The following CWC27 variants were observed in gnomAD, a reference collection of about 807,000 sequenced individuals.
CWC27 encodes the protein spliceosome-associated protein CWC27 homolog.
Under a neutral mutation model 63.6 loss-of-function variants are expected in CWC27, and 47 were observed. The observed-to-expected ratio is 0.74, with a 90% CI of 0.58 to 0.94. The LOEUF (loss-of-function observed/expected upper bound fraction) is 0.94, where lower values mean the gene tolerates loss of function less well. Among genes scored for constraint, CWC27 ranks in the 40% least tolerant of loss-of-function variants. The pLI is 0.00. For synonymous variants in CWC27, 175 were observed against 179.8 expected (o/e 0.97, Z 0.22); for missense variants, 495 against 554.3 (o/e 0.89, Z 1.07).
intron 7 of CWC27, among the ~76,000 whole-genome samples, chr5:64,790,948 T>G (rs1227900212): frequency 6.7e-6 from 1 of 149,714 alleles, no homozygotes; most frequent in Non-Finnish European, 1.5e-5. Flanking sequence ...GAACTGAGGG[T>G]TTTTTTAGCT....
chr5:64,975,683 TA>T (rs1428019024), intron 12 of CWC27, among the ~76,000 whole-genome samples: 1 of 152,174 alleles, frequency 6.6e-6, no homozygotes, highest in African/African-American at 2.4e-5. Context: ...CACACACTTT[TA>T]AAAAATATAT....
chr5:64,961,513 A>G (rs1748911898), intron 11 of CWC27, among the ~76,000 whole-genome samples: 1 of 152,136 alleles, frequency 6.6e-6, no homozygotes, highest in East Asian at 1.9e-4. Flanking sequence ...AGATGCTTGT[A>G]TTATATCCGT....
chr5:65,017,213 T>C (rs911834111), intron 13 of CWC27, among the ~76,000 whole-genome samples: 1 of 151,884 alleles, frequency 6.6e-6, no homozygotes, highest in Non-Finnish European at 1.5e-5. Context: ...CCCAGCTACT[T>C]GGGAGGCCGA....
Position 64,877,836 on chromosome 5 carries a change from A to G in CWC27, c.939-7607A>G, listed in dbSNP as rs143282521. Among the ~76,000 whole-genome samples, 497 of 148,768 alleles carry G rather than the reference A, an allele frequency of 3.3e-3. 2 individuals are homozygous for G. The highest frequency in any genetic ancestry group is 0.012 in the African/African-American group (483 of 40,392). On this transcript the variant is annotated intron_variant, in intron 10 of 13. Transcript: ENST00000381070. ...ATGTCAGTGTCATGTTGATAATTCT[A>G]TTATTTTCTTGGATAATTTTGAAAA...
intron 13 of CWC27, among the ~76,000 whole-genome samples, chr5:65,017,270 G>A (rs1258697708): frequency 5.3e-5 from 8 of 152,032 alleles, no homozygotes; most frequent in South Asian, 4.2e-4. Flanking sequence ...GCAGTGAGCC[G>A]AGATCGCGCC....
intron 12 of CWC27, among the ~76,000 whole-genome samples, chr5:64,974,519 A>G (rs1179303487): frequency 6.6e-6 from 1 of 152,148 alleles, no homozygotes; most frequent in East Asian, 1.9e-4. Flanking sequence ...CATGGTAAAG[A>G]CCAGCCCCCA....
At chr5:64,908,293 C>T (rs1464614216) in intron 11 of CWC27, among the ~76,000 whole-genome samples, 3 of 152,168 alleles carry the variant, frequency 2.0e-5, no homozygotes, top group African/African-American at 7.2e-5. Context: ...CTGAGGAGTG[C>T]TTTACTTCCA....
chr5:64,829,635 T>C (rs1431335479), intron 10 of CWC27, among the ~76,000 whole-genome samples: 1 of 147,654 alleles, frequency 6.8e-6, no homozygotes, highest in Non-Finnish European at 1.5e-5. Context: ...TTAATACTTT[T>C]ATTCACTTTT....
chr5:64,873,250 G>T (rs915116411), intron 10 of CWC27, among the ~76,000 whole-genome samples: 5 of 151,980 alleles, frequency 3.3e-5, no homozygotes, highest in African/African-American at 9.7e-5. Context: ...GACAGTAAAG[G>T]TCAGTCAATT....
Position 64,947,834 on chromosome 5 carries a change from G to T in CWC27, c.1043-23869G>T, listed in dbSNP as rs115658267. Among the ~76,000 whole-genome samples the T allele has an allele frequency of 4.0e-3, 612 of 152,090 alleles. 6 individuals are homozygous for T. The highest frequency in any genetic ancestry group is 9.1e-3 in the South Asian group (44 of 4,826). Reference sequence around the variant, plus strand: ...TAGGGAGAGCCTTATATATCATTTTGTTCCAAAGGATAGATGTTCATTTTG... The same window carrying T: ...TAGGGAGAGCCTTATATATCATTTTTTTCCAAAGGATAGATGTTCATTTTG... On this transcript the variant is annotated intron_variant, in intron 11 of 13. Coordinates refer to ENST00000381070, the MANE Select transcript of CWC27 (RefSeq NM_005869.4).
At chr5:65,004,903 T>TATACATAC (rs1260185642) in intron 13 of CWC27, among the ~76,000 whole-genome samples, 1 of 59,722 alleles carries the variant, frequency 1.7e-5, no homozygotes, top group African/African-American at 5.8e-5. Flanking sequence ...TATATATATA[T>TATACATAC]ATACATACAC....
Position 64,769,069 on chromosome 5 carries a change from CTCGTAGGCGGACA to C in CWC27, c.-77_-65del. ...ACCACTGGACTTAAGGAAGAGTGTA[CTCGTAGGCGGACA>C]GCTTTAGTGGCCGGCCGGCCGCTCT... is the stretch of plus-strand genomic sequence containing the variant. On this transcript the variant is annotated 5_prime_UTR_variant, in exon 1 of 14. Transcript: ENST00000381070. The C allele has an allele frequency of 8.3e-7, 1 of 1,201,244 alleles. No homozygotes were observed. The highest frequency in any genetic ancestry group is 1.2e-6 in the Non-Finnish European group (1 of 808,186). 74.4% of individuals were successfully genotyped at this position (1,201,244 alleles called of 1,614,324 possible).
intron 11 of CWC27, among the ~76,000 whole-genome samples, chr5:64,930,890 C>T (rs1748224697): frequency 6.6e-6 from 1 of 152,058 alleles, no homozygotes; most frequent in Non-Finnish European, 1.5e-5. Context: ...CATGAGACAG[C>T]ATGAGACAAA....
At chr5:64,898,338 G>A (rs1473121917) in intron 11 of CWC27, among the ~76,000 whole-genome samples, 4 of 151,902 alleles carry the variant, frequency 2.6e-5, no homozygotes, top group South Asian at 2.1e-4. Flanking sequence ...AATACAAAAC[G>A]CAGGCAAAAT....
Position 64,933,555 on chromosome 5 carries a change from C to T in CWC27, c.1043-38148C>T, listed in dbSNP as rs188019164. Among the ~76,000 whole-genome samples, 632 of 149,518 alleles carry T rather than the reference C, an allele frequency of 4.2e-3. 3 individuals carry two copies. Among genetic ancestry groups the T allele is most frequent in the African/African-American group, 0.014 (550 of 40,434 alleles). ...TCACCCAGGCTGGAGTACAGTGGCG[C>T]GATCTCGGCTCGCTGCAACCTCCAC... On this transcript the variant is annotated intron_variant, in intron 11 of 13. Transcript: ENST00000381070.
chr5:64,813,444 A>G (rs1467370666), intron 10 of CWC27, among the ~76,000 whole-genome samples: 1 of 152,148 alleles, frequency 6.6e-6, no homozygotes, highest in African/African-American at 2.4e-5. Flanking sequence ...TGACAACCCT[A>G]CTGTTTTTAC....
intron 13 of CWC27, among the ~76,000 whole-genome samples, chr5:65,006,663 G>A (rs1238360973): frequency 6.6e-6 from 1 of 151,886 alleles, no homozygotes; most frequent in African/African-American, 2.4e-5. Flanking sequence ...ACCAGTAGAA[G>A]GAGGGAGAGA....
chr5:64,963,455 G>C (rs956026915), intron 11 of CWC27, among the ~76,000 whole-genome samples: 1 of 152,134 alleles, frequency 6.6e-6, no homozygotes, highest in African/African-American at 2.4e-5. Flanking sequence ...CTGAAATACA[G>C]AGCTAAGGAA....
intron 11 of CWC27, among the ~76,000 whole-genome samples, chr5:64,888,470 CTA>C (rs1312668893): frequency 2.1e-5 from 3 of 146,314 alleles, no homozygotes; most frequent in South Asian, 2.1e-4. Flanking sequence ...GATTATAACA[CTA>C]TATAATTTAC....
Sources: allele counts gnomAD v4.1 joint callset (sites outside exome capture counted in the v4.1 genomes callset), GRCh38; gene constraint gnomAD v4.1.1; transcripts MANE v1.5; gene names NCBI Gene and HGNC (gene_info 2026-07-23, HGNC 2026-07-21).